The following SULT2B1 variants were observed in gnomAD, a reference collection of about 807,000 sequenced individuals.
SULT2B1 encodes the protein sulfotransferase 2B1.
In SULT2B1, 16 loss-of-function variants were observed where a neutral mutation model predicts 33.2. That is an observed-to-expected ratio of 0.48 (90% CI 0.33 to 0.73). SULT2B1 has a LOEUF of 0.73. SULT2B1 is among the 30% of genes least tolerant of loss of function. The pLI is 0.02. For synonymous variants in SULT2B1, 186 were observed against 200.5 expected, an observed-to-expected ratio of 0.93 and a Z score of 0.61; for missense variants, 500 against 506.0, an observed-to-expected ratio of 0.99 and a Z score of 0.11.
rs1287870413 is a variant in SULT2B1 at position 48,558,687 on chromosome 19, T to C, written c.71+6364T>C. 6.3e-5 allele frequency among the ~76,000 whole-genome samples: 9 copies of C among 142,332 alleles called. No individual in the cohort carries two copies. In the East Asian group the frequency reaches 7.9e-4, roughly 13 times the overall value. The allele number at this position is 142,332 out of a possible 152,430, so 93.4% of individuals were successfully genotyped here. ...CTTTTTTCTTTTCTTTTCTTTTTTT[T>C]TTTTTTTTTTTTTTGAGACAGAGTT... is the stretch of plus-strand genomic sequence containing the variant. On this transcript the variant is annotated intron_variant, in intron 1 of 6. Coordinates refer to ENST00000201586, the MANE Select transcript of SULT2B1 (RefSeq NM_177973.2).
chr19:48,592,908 C>G, intron 5 of SULT2B1, 92 bp downstream of exon 5: 1 of 1,118,368 alleles, frequency 8.9e-7, no homozygotes, highest in Non-Finnish European at 1.3e-6. Context: ...CAGGACCCCT[C>G]CGCTTCCCCA....
intron 1 of SULT2B1, among the ~76,000 whole-genome samples, chr19:48,557,400 C>T (rs1973113486): frequency 6.6e-6 from 1 of 151,396 alleles, no homozygotes; most frequent in Admixed American, 6.6e-5. Context: ...ATTTGCCAGG[C>T]GTGGTGGCAC....
At chr19:48,588,532 A>G (rs1326124819) in intron 3 of SULT2B1, among the ~76,000 whole-genome samples, 1 of 135,880 alleles carries the variant, frequency 7.4e-6, no homozygotes, top group African/African-American at 3.6e-5. Flanking sequence ...ACCCCCATAT[A>G]TTATACTACA....
At chr19:48,558,332 G>A (rs1336345562) in intron 1 of SULT2B1, among the ~76,000 whole-genome samples, 1 of 141,376 alleles carries the variant, frequency 7.1e-6, no homozygotes, top group Middle Eastern at 3.4e-3. Flanking sequence ...CCAGACAGGA[G>A]GCGTTAGCAG....
intron 3 of SULT2B1, among the ~76,000 whole-genome samples, chr19:48,588,883 G>A (rs752250772): frequency 2.4e-4 from 36 of 152,136 alleles, no homozygotes; most frequent in Non-Finnish European, 4.4e-4. Flanking sequence ...CGGTGTGGCC[G>A]GAGCCAAGTG....
At chr19:48,571,640 A>AC (rs1568406630) in intron 1 of SULT2B1, among the ~76,000 whole-genome samples, 2 of 108,678 alleles carry the variant, frequency 1.8e-5, no homozygotes, top group Non-Finnish European at 4.0e-5. Context: ...CAATAACAAA[A>AC]GAAAAAAACA....
At chr19:48,589,631 C>T (rs1973616967) in intron 3 of SULT2B1, among the ~76,000 whole-genome samples, 1 of 152,050 alleles carries the variant, frequency 6.6e-6, no homozygotes, top group East Asian at 1.9e-4. Flanking sequence ...GCTGGACTCC[C>T]GGGTTATAGT....
chr19:48,567,749 C>T (rs868626926), intron 1 of SULT2B1, among the ~76,000 whole-genome samples: 2 of 151,938 alleles, frequency 1.3e-5, no homozygotes, highest in South Asian at 2.1e-4. Flanking sequence ...GTGGGAGGGT[C>T]GCTTGAGCTG....
chr19:48,566,685 A>G (rs1973246824), intron 1 of SULT2B1, among the ~76,000 whole-genome samples: 1 of 152,036 alleles, frequency 6.6e-6, no homozygotes, highest in African/African-American at 2.4e-5. Flanking sequence ...TTACTAAAAT[A>G]TAAAAAATTA....
At chr19:48,591,486 T>C in intron 3 of SULT2B1, 123 bp from the exon 4 acceptor site, 2 of 1,136,224 alleles carry the variant, frequency 1.8e-6, no homozygotes, top group East Asian at 2.9e-5. Context: ...AAAAAAAGAG[T>C]CTGCCCTGAG....
chr19:48,596,499 A>C, intron 5 of SULT2B1: 1 of 356,362 alleles, frequency 2.8e-6, no homozygotes, highest in Non-Finnish European at 4.9e-6. Flanking sequence ...CCCTGCTGTG[A>C]CCTCTGCCCC....
At chr19:48,559,348 TTTTTG>T (rs10577756) in intron 1 of SULT2B1, among the ~76,000 whole-genome samples, 49,132 of 148,636 alleles carry the variant, frequency 0.33, 8,427 homozygotes, top group Middle Eastern at 0.5. Flanking sequence ...TTGGTTTTGT[TTTTTG>T]TTTTGTTTTG....
intron 2 of SULT2B1, among the ~76,000 whole-genome samples, chr19:48,586,611 A>G (rs1973564889): frequency 6.6e-6 from 1 of 152,226 alleles, no homozygotes. Flanking sequence ...TCATCACGCC[A>G]TATTCCCAGC....
At chr19:48,586,120 G>A (rs979794743) in intron 2 of SULT2B1, among the ~76,000 whole-genome samples, 1 of 152,142 alleles carries the variant, frequency 6.6e-6, no homozygotes, top group Non-Finnish European at 1.5e-5. Context: ...TACTCGGGAG[G>A]CTGAGGCAGG....
At chr19:48,581,890 ATATTATTAT>A (rs71335807) in intron 2 of SULT2B1, among the ~76,000 whole-genome samples, 1,715 of 137,710 alleles carry the variant, frequency 0.012, 18 homozygotes, top group South Asian at 0.035. Flanking sequence ...TATTATTATT[ATATTATTAT>A]TATTATTATT....
At chr19:48,558,236 G>T (rs1423739979) in intron 1 of SULT2B1, among the ~76,000 whole-genome samples, 1 of 152,156 alleles carries the variant, frequency 6.6e-6, no homozygotes, top group Admixed American at 6.6e-5. Context: ...TTTGAACCAG[G>T]GAAGCCTGAC....
intron 5 of SULT2B1, among the ~76,000 whole-genome samples, chr19:48,593,980 T>G (rs529500131): frequency 2.0e-5 from 3 of 151,720 alleles, no homozygotes; most frequent in Non-Finnish European, 4.4e-5. Flanking sequence ...TAATTTTGGC[T>G]GGGCACGGTG....
In SULT2B1 at chr19:48,576,007, C is replaced by T. The variant is rs571347276; in HGVS notation, c.138C>T (p.Leu46=). The stretch of plus-strand genomic sequence containing the variant: ...CCTTCCCCGTCGGCCTGTACTCGCT[C>T]GAGAGCATCAGCTTGGCGGAGAACA... ...GVPFPVGLYS[L]ESISLAENTQ... Residue 46 remains leucine (L), a synonymous_variant, in exon 2 of 7, where the codon CTC becomes CTT. Transcript: ENST00000201586. 4.3e-6 allele frequency: 7 copies of T among 1,613,858 alleles called. No individual in the cohort carries two copies. Among genetic ancestry groups the T allele is most frequent in the Admixed American group, 1.7e-5 (1 of 59,956 alleles).
chr19:48,553,736 G>C (rs775606099), intron 1 of SULT2B1, among the ~76,000 whole-genome samples: 2 of 152,186 alleles, frequency 1.3e-5, no homozygotes, highest in Non-Finnish European at 2.9e-5. Context: ...CCTGATTGCT[G>C]TGTGACCTAG....
Sources: gnomAD v4.1 joint callset for allele counts (sites outside exome capture counted in the v4.1 genomes callset) on GRCh38, gnomAD v4.1.1 for gene constraint, MANE v1.5 for transcripts, NCBI Gene and HGNC (gene_info 2026-07-23, HGNC 2026-07-21) for gene names.